Variants in MRTFB observed in about 807,000 individuals in gnomAD.
The protein encoded by MRTFB is myocardin related transcription factor B.
A neutral mutation model predicts 104.2 loss-of-function variants in MRTFB; 29 were observed. The observed-to-expected ratio is 0.28, with a 90% CI of 0.21 to 0.38. The LOEUF (loss-of-function observed/expected upper bound fraction) is 0.38, where lower values mean the gene tolerates loss of function less well. MRTFB is among the 10% of genes least tolerant of loss of function. The probability of loss-of-function intolerance (pLI) is 1.00; values close to 1 mark genes in which losing one functional copy is unlikely to be tolerated. For synonymous variants in MRTFB, 535 were observed against 519.5 expected (o/e 1.03, Z -0.41); for missense variants, 1,270 against 1,341.6 (o/e 0.95, Z 0.83).
intron 2 of MRTFB, among the ~76,000 whole-genome samples, chr16:14,090,179 C>T (rs1053530104): frequency 6.6e-6 from 1 of 152,112 alleles, no homozygotes; most frequent in African/African-American, 2.4e-5. Flanking sequence ...GTTTTGGTTG[C>T]TTGTGCCATT....
chr16:14,048,192 C>T, the MRTFB span, among the ~76,000 whole-genome samples: 1 of 152,228 alleles, frequency 6.6e-6, no homozygotes, highest in Non-Finnish European at 1.5e-5. Flanking sequence ...CCATGTCTCA[C>T]ATCCAGGTCT....
At chr16:14,052,321 C>T in the MRTFB span, among the ~76,000 whole-genome samples, 7 of 152,076 alleles carry the variant, frequency 4.6e-5, no homozygotes, top group African/African-American at 1.4e-4. Flanking sequence ...TTATGGGGTA[C>T]ATGTGGCATT....
the MRTFB span, chr16:14,019,282 A>C: frequency 6.6e-6 from 1 of 152,226 alleles, no homozygotes; most frequent in Admixed American, 6.5e-5. Flanking sequence ...AATTCAGAGC[A>C]TATTCAGCCT....
At chr16:14,058,464 C>T in the MRTFB span, among the ~76,000 whole-genome samples, 2 of 151,780 alleles carry the variant, frequency 1.3e-5, no homozygotes, top group South Asian at 4.2e-4. Flanking sequence ...GTTTGTTGTA[C>T]ACATCAATCT....
chr16:14,243,978 C>T lies in MRTFB; in HGVS notation c.1080-1550C>T, dbSNP rs534395242. ...GGGTTCACACCACCTCCAGGGTTCA[C>T]GCCATTCTCCTGCCTCAGCCTCCCG... On this transcript the variant is annotated intron_variant, in intron 10 of 16. Coordinates refer to ENST00000571589, the MANE Select transcript of MRTFB (RefSeq NM_001308142.2). Among the ~76,000 whole-genome samples, 12 of 151,622 alleles carry T rather than the reference C, an allele frequency of 7.9e-5. No homozygotes were observed. The South Asian group carries it at 1.7e-3, about 21-fold the overall frequency.
chr16:14,236,843 C>T (rs1463485084), intron 9 of MRTFB, among the ~76,000 whole-genome samples: 2 of 152,150 alleles, frequency 1.3e-5, no homozygotes, highest in African/African-American at 2.4e-5. Context: ...AAGGTAGAAG[C>T]AGAGACAGGT....
the MRTFB span, among the ~76,000 whole-genome samples, chr16:14,007,761 T>C: frequency 6.6e-6 from 1 of 152,220 alleles, no homozygotes; most frequent in Non-Finnish European, 1.5e-5. Context: ...ATAGCCACCC[T>C]AGTGGGTGTG....
At position 14,125,232 on chromosome 16, in the gene MRTFB, C is replaced by A. The variant is rs185877576; in HGVS notation, c.-63-15312C>A. On this transcript the variant is annotated intron_variant, in intron 2 of 16. Coordinates refer to ENST00000571589, the MANE Select transcript of MRTFB (RefSeq NM_001308142.2). ...CTGTTGTCTCTCTCAGAGAGGTGGG[C>A]TGGCTGCAACTGCCTCTGCCTTTCT... Among the ~76,000 whole-genome samples the A allele has an allele frequency of 3.9e-5, 6 of 152,346 alleles. No homozygotes were observed. In the East Asian group the frequency reaches 1.2e-3, roughly 29 times the overall value.
intron 3 of MRTFB, among the ~76,000 whole-genome samples, chr16:14,185,059 T>C (rs936724214): frequency 2.0e-5 from 3 of 152,316 alleles, no homozygotes; most frequent in South Asian, 4.1e-4. Context: ...TAAAAGTGCA[T>C]GAGTAGTTTC....
chr16:14,221,131 T>A (rs942739594), intron 8 of MRTFB, among the ~76,000 whole-genome samples: 3 of 152,200 alleles, frequency 2.0e-5, no homozygotes, highest in Non-Finnish European at 2.9e-5. Context: ...TTTTGGTTTC[T>A]TTTTTTAATT....
At chr16:14,245,759 C>T in intron 11 of MRTFB, 99 bp downstream of exon 11, 1 of 1,284,110 alleles carries the variant, frequency 7.8e-7, no homozygotes, top group South Asian at 1.6e-5. Context: ...TTTCAGTAGA[C>T]ATTCAACTTT....
chr16:14,198,324 A>G (rs2040530343), intron 3 of MRTFB, among the ~76,000 whole-genome samples: 1 of 152,176 alleles, frequency 6.6e-6, no homozygotes, highest in Non-Finnish European at 1.5e-5. Flanking sequence ...ACTTGTTTCC[A>G]ATTCTTATTT....
chr16:14,250,823 G>C (rs77930804), intron 13 of MRTFB, among the ~76,000 whole-genome samples: 6 of 152,188 alleles, frequency 3.9e-5, no homozygotes, highest in African/African-American at 1.2e-4. Context: ...AAGCGGCGTC[G>C]CTGAGATGTG....
chr16:14,029,443 T>TACACAC, the MRTFB span, among the ~76,000 whole-genome samples: 3,580 of 65,120 alleles, frequency 0.055, 65 homozygotes, highest in Non-Finnish European at 0.1. Context: ...TATATATATA[T>TACACAC]ATACACACAC....
In MRTFB at chr16:14,264,504, G is replaced by C. The variant is rs548423238; in HGVS notation, c.*3060G>C. On this transcript the variant is annotated 3_prime_UTR_variant, in exon 17 of 17. Coordinates refer to ENST00000571589, the MANE Select transcript of MRTFB (RefSeq NM_001308142.2). ...TTTTTCCTGAAATGTGCAATCTACT[G>C]TATAGTATTGCCACATAATTGTACA... is the stretch of plus-strand genomic sequence containing the variant. 5 of 152,270 alleles carry C rather than the reference G, an allele frequency of 3.3e-5. No individual in the cohort carries two copies. In the East Asian group the frequency reaches 5.8e-4, roughly 18 times the overall value. The allele number at this position is 152,270 out of a possible 1,614,324, so 9.4% of individuals were successfully genotyped here. A position where few individuals can be genotyped will look rare whatever the true frequency, so the allele number is the denominator to read the frequency against.
rs1315863218 is a variant in MRTFB, at chr16:14,261,156, A to T, written c.3012A>T (p.Glu1004Asp). The change falls in exon 17 of 17, where the codon GAA becomes GAT. Residue 1004 changes from glutamate to aspartate, a missense_variant. By Grantham distance (45) the Glu-to-Asp change is conservative. This residue lies in a region of MRTFB where 1,144 missense variants were observed against 1,131.5 expected (regional missense o/e 1.01). Coordinates refer to ENST00000571589, the MANE Select transcript of MRTFB (RefSeq NM_001308142.2). Reference sequence around the variant, plus strand: ...TTCCTCCACTACAAAGCAGCAGTGAAGACAGAGAGCCCTTCTCTCTGATCG... The same window carrying T: ...TTCCTCCACTACAAAGCAGCAGTGATGACAGAGAGCCCTTCTCTCTGATCG... ...NEIPPLQSSSEDREPFSLIED... is the reference protein window; with the variant it reads ...NEIPPLQSSSDDREPFSLIED... The T allele has an allele frequency of 6.2e-7, 1 of 1,614,232 alleles. No homozygotes were observed. The highest frequency in any genetic ancestry group is 1.7e-5 in the Admixed American group (1 of 60,024).
chr16:14,039,234 A>G, the MRTFB span, among the ~76,000 whole-genome samples: 13 of 152,310 alleles, frequency 8.5e-5, no homozygotes, highest in East Asian at 1.9e-3. Flanking sequence ...GCTCCTTATC[A>G]TATGGGCCTC....
At chr16:14,249,981 A>C (rs1006182103) in intron 13 of MRTFB, among the ~76,000 whole-genome samples, 1 of 152,224 alleles carries the variant, frequency 6.6e-6, no homozygotes, top group Admixed American at 6.5e-5. Flanking sequence ...GTTGTATGTT[A>C]CTGAGTTTGG....
the MRTFB span, among the ~76,000 whole-genome samples, chr16:14,005,940 G>A: frequency 2.0e-5 from 3 of 152,246 alleles, no homozygotes; most frequent in Non-Finnish European, 2.9e-5. Flanking sequence ...GGGTGTGGTG[G>A]CTCATGCCTG....
Sources: allele counts gnomAD v4.1 joint callset (sites outside exome capture counted in the v4.1 genomes callset), GRCh38; gene constraint gnomAD v4.1.1; regional missense constraint gnomAD v4.1.1; transcripts MANE v1.5; gene names NCBI Gene and HGNC (gene_info 2026-07-23, HGNC 2026-07-21).